Variants in ZNF277 observed in about 807,000 individuals in gnomAD.
The protein encoded by ZNF277 is zinc finger protein 277.
ZNF277 carries 55 observed loss-of-function variants against 60.7 expected under a neutral mutation model. The observed-to-expected ratio is 0.91, with a 90% CI of 0.73 to 1.13. ZNF277 has a LOEUF of 1.13. ZNF277 is among the 50% of genes most tolerant of loss of function. ZNF277 has a pLI of 0.00. For missense variants in ZNF277, 510 were observed against 523.0 expected (o/e 0.98, Z 0.24); for synonymous variants, 178 against 179.3 (o/e 0.99, Z 0.06).
chr7:112,300,456 G>T (rs1221725787), intron 4 of ZNF277, among the ~76,000 whole-genome samples: 1 of 152,088 alleles, frequency 6.6e-6, no homozygotes. Context: ...GTCTTGTCCA[G>T]TGGTTCTTTT....
At chr7:112,230,103 G>A (rs1035275139) in intron 1 of ZNF277, among the ~76,000 whole-genome samples, 1 of 147,694 alleles carries the variant, frequency 6.8e-6, no homozygotes, top group Non-Finnish European at 1.5e-5. Flanking sequence ...AAGTGGGTGA[G>A]TAATATGAAT....
chr7:112,242,674 C>A (rs921474886), intron 1 of ZNF277, among the ~76,000 whole-genome samples: 1 of 151,498 alleles, frequency 6.6e-6, no homozygotes, highest in Admixed American at 6.6e-5. Flanking sequence ...GTAGATGACA[C>A]AAATGAATGG....
intron 1 of ZNF277, among the ~76,000 whole-genome samples, chr7:112,218,824 T>C (rs1050144231): frequency 2.6e-5 from 4 of 152,244 alleles, no homozygotes; most frequent in Admixed American, 6.5e-5. Context: ...TGATACTGTA[T>C]TGTGTATATA....
At chr7:112,332,788 T>C (rs901094627) in intron 7 of ZNF277, among the ~76,000 whole-genome samples, 6 of 152,110 alleles carry the variant, frequency 3.9e-5, no homozygotes, top group Non-Finnish European at 8.8e-5. Flanking sequence ...ATTATGGAAA[T>C]GATGTAAACA....
At chr7:112,280,126 A>G (rs1007911708) in intron 1 of ZNF277, among the ~76,000 whole-genome samples, 5 of 152,070 alleles carry the variant, frequency 3.3e-5, no homozygotes, top group African/African-American at 1.2e-4. Flanking sequence ...CTTCAGTGCA[A>G]ATGGGATTTC....
At chr7:112,342,500 A>G (rs1793462780) in intron 11 of ZNF277, 61 bp from the exon 12 acceptor site, 1 of 1,350,028 alleles carries the variant, frequency 7.4e-7, no homozygotes, top group Non-Finnish European at 9.8e-7. Flanking sequence ...GTGTACATTC[A>G]GCTACCTGGA....
chr7:112,267,632 T>A (rs1381523831), intron 1 of ZNF277, among the ~76,000 whole-genome samples: 1 of 152,192 alleles, frequency 6.6e-6, no homozygotes, highest in African/African-American at 2.4e-5. Context: ...TCTTGCCTAC[T>A]TCTAAACATC....
At chr7:112,330,938 A>C (rs1793216462) in intron 7 of ZNF277, among the ~76,000 whole-genome samples, 1 of 152,150 alleles carries the variant, frequency 6.6e-6, no homozygotes, top group South Asian at 2.1e-4. Context: ...TGGATGTGTT[A>C]GGTGCTATGC....
intron 1 of ZNF277, among the ~76,000 whole-genome samples, chr7:112,282,459 A>G (rs1479693939): frequency 1.3e-5 from 2 of 152,254 alleles, no homozygotes; most frequent in Non-Finnish European, 2.9e-5. Context: ...CTGCTTTTCT[A>G]CATGTATTCC....
At chr7:112,289,595 A>T (rs1293508986) in intron 2 of ZNF277, among the ~76,000 whole-genome samples, 1 of 152,152 alleles carries the variant, frequency 6.6e-6, no homozygotes, top group African/African-American at 2.4e-5. Flanking sequence ...CTTATATGCA[A>T]CCCAGTTATA....
At chr7:112,219,579 G>T (rs961853242) in intron 1 of ZNF277, among the ~76,000 whole-genome samples, 3 of 152,126 alleles carry the variant, frequency 2.0e-5, no homozygotes. Flanking sequence ...ATTGGTCCGT[G>T]TGTCTATTTT....
At chr7:112,302,760 T>C (rs1374446924) in intron 4 of ZNF277, among the ~76,000 whole-genome samples, 1 of 152,032 alleles carries the variant, frequency 6.6e-6, no homozygotes, top group Non-Finnish European at 1.5e-5. Context: ...CAGGAAATAT[T>C]ACCCCTGTTT....
At chr7:112,277,304 G>A (rs191811663) in intron 1 of ZNF277, among the ~76,000 whole-genome samples, 1 of 152,074 alleles carries the variant, frequency 6.6e-6, no homozygotes, top group East Asian at 1.9e-4. Flanking sequence ...AGATGGTCTC[G>A]ATCTCCTGAC....
chr7:112,253,399 G>A (rs537004891), intron 1 of ZNF277, among the ~76,000 whole-genome samples: 2 of 152,216 alleles, frequency 1.3e-5, no homozygotes, highest in African/African-American at 2.4e-5. Context: ...ATACAACCAC[G>A]TGTCACTAAA....
At chr7:112,310,570 C>G (rs1415344050) in intron 4 of ZNF277, among the ~76,000 whole-genome samples, 1 of 151,816 alleles carries the variant, frequency 6.6e-6, no homozygotes, top group Admixed American at 6.6e-5. Flanking sequence ...TTCTATGCTA[C>G]ATTGTTCTGT....
chr7:112,339,864 CT>C lies in ZNF277; in HGVS notation c.989del (p.Leu330ProfsTer3), dbSNP rs1563234955. 1 of 1,611,642 alleles carries C rather than the reference CT, an allele frequency of 6.2e-7. No homozygotes were observed. The highest frequency in any genetic ancestry group is 2.2e-5 in the East Asian group (1 of 44,860). On this transcript the variant is annotated frameshift_variant, in exon 10 of 12. Transcript: ENST00000361822. LOFTEE classifies it high-confidence loss of function. ...HMEDAHEFDL[L>X]KIKSELGLNF... ...TTAGGATGCACACGAATTTGATCTT[CT>C]CAAAATAAAGTCAGAACTTGGTAAG...
At chr7:112,335,954 C>T in intron 7 of ZNF277, 150 bp from the exon 8 acceptor site, 1 of 447,520 alleles carries the variant, frequency 2.2e-6, no homozygotes, top group South Asian at 5.6e-5. Flanking sequence ...TAAGTTGGGC[C>T]ATCTGTATAT....
chr7:112,339,929 T>C, intron 10 of ZNF277, 44 bp downstream of exon 10: 2 of 1,572,346 alleles, frequency 1.3e-6, no homozygotes, highest in Non-Finnish European at 1.7e-6. Flanking sequence ...CTTCATTTTT[T>C]ATAAACCATC....
intron 7 of ZNF277, 44 bp from the exon 8 acceptor site, chr7:112,336,060 C>G: frequency 6.5e-7 from 1 of 1,530,086 alleles, no homozygotes; most frequent in Non-Finnish European, 8.9e-7. Context: ...TCTCTCCCTT[C>G]TCTTTCCCCC....
Sources: gnomAD v4.1 joint callset for allele counts (sites outside exome capture counted in the v4.1 genomes callset) on GRCh38, gnomAD v4.1.1 for gene constraint, MANE v1.5 for transcripts, NCBI Gene and HGNC (gene_info 2026-07-23, HGNC 2026-07-21) for gene names.